The following WTAP variants were observed in gnomAD, a reference collection of about 807,000 sequenced individuals.
WTAP encodes WT1 associated protein, also known as pre-mRNA-splicing regulator WTAP.
Under a neutral mutation model 50.0 loss-of-function variants are expected in WTAP, and 8 were observed. The ratio of observed to expected loss-of-function variants is 0.16; its 90% confidence interval spans 0.09 to 0.29. WTAP has a LOEUF of 0.29. WTAP is among the 10% of genes least tolerant of loss of function. WTAP has a pLI of 1.00. For missense variants in WTAP, 295 were observed against 470.7 expected (o/e 0.63, Z 3.45); for synonymous variants, 194 against 169.0 (o/e 1.15, Z -1.15).
At chr6:159,747,205 T>C (rs1318150054) in intron 5 of WTAP, among the ~76,000 whole-genome samples, 1 of 152,200 alleles carries the variant, frequency 6.6e-6, no homozygotes, top group Non-Finnish European at 1.5e-5. Context: ...TTAATGCTAA[T>C]AACTATATTT....
intron 1 of WTAP, among the ~76,000 whole-genome samples, chr6:159,727,925 G>T (rs1015938272): frequency 6.6e-6 from 1 of 152,364 alleles, no homozygotes; most frequent in African/African-American, 2.4e-5. Context: ...CCAAGGCCCG[G>T]GTTGAGAGGG....
chr6:159,751,387 AG>A (rs1779814733), intron 6 of WTAP, among the ~76,000 whole-genome samples: 1 of 152,212 alleles, frequency 6.6e-6, no homozygotes, highest in Non-Finnish European at 1.5e-5. Flanking sequence ...TAAGAAGGTT[AG>A]TTGTAAACAC....
Position 159,742,155 on chromosome 6 carries a change from G to A in WTAP, c.145+9G>A. ...GTACACAGATCTTAACTGTAAGTTT[G>A]AGTTTTAGCTTCCTAAAGACTGAAT... is the stretch of plus-strand genomic sequence containing the variant. On this transcript the variant is annotated intron_variant, in intron 4 of 7. Coordinates refer to ENST00000621533, the MANE Select transcript of WTAP (RefSeq NM_001270531.2). 6.3e-7 allele frequency: 1 copy of A among 1,597,800 alleles called. No homozygotes were observed. Among genetic ancestry groups the A allele is most frequent in the Non-Finnish European group, 8.5e-7 (1 of 1,172,724 alleles).
In WTAP at chr6:159,740,708, CT is replaced by C. The variant is rs565299103; in HGVS notation, c.87-1366del. Among the ~76,000 whole-genome samples the C allele has an allele frequency of 4.8e-3, 609 of 126,510 alleles. 1 individual carries two copies. The highest frequency in any genetic ancestry group is 0.011 in the African/African-American group (373 of 34,610). The allele number at this position is 126,510 out of a possible 152,430, so 83.0% of individuals were successfully genotyped here. A position where few individuals can be genotyped will look rare whatever the true frequency, so the allele number is the denominator to read the frequency against. Reference sequence around the variant, plus strand: ...GGTTTTTTTTTTTTCTTTTTTCTTTCTTTTTTTTTTTTTTAAGACAGAGTCT... The same window carrying C: ...GGTTTTTTTTTTTTCTTTTTTCTTTCTTTTTTTTTTTTTAAGACAGAGTCT... On this transcript the variant is annotated intron_variant, in intron 3 of 7. Coordinates refer to ENST00000621533, the MANE Select transcript of WTAP (RefSeq NM_001270531.2).
At chr6:159,739,861 A>G (rs1181752536) in intron 3 of WTAP, among the ~76,000 whole-genome samples, 3 of 114,454 alleles carry the variant, frequency 2.6e-5, no homozygotes, top group South Asian at 2.7e-4. Context: ...TTTTTTTGCC[A>G]TAATCTCATA....
rs1778587899 is a variant in WTAP at position 159,731,818 on chromosome 6, A to G, written c.-9+4115A>G. Among the ~76,000 whole-genome samples the G allele has an allele frequency of 2.0e-5, 3 of 152,190 alleles. No individual in the cohort carries two copies. In the South Asian group the frequency reaches 6.2e-4, roughly 31 times the overall value. On this transcript the variant is annotated intron_variant, in intron 1 of 7. Transcript: ENST00000621533. ...TGCTACTTTTGTATTTGCAAAGTTG[A>G]CAACCTGTTTCAGAATACCAAGGTT...
intron 2 of WTAP, among the ~76,000 whole-genome samples, chr6:159,736,914 AAACTT>A: frequency 6.6e-6 from 1 of 152,328 alleles, no homozygotes; most frequent in South Asian, 2.1e-4. Context: ...AAAGCTTACT[AAACTT>A]AATATTTAAG....
At chr6:159,727,427 G>C (rs1167725933), upstream of WTAP, 1 of 1,063,682 alleles carries the variant, frequency 9.4e-7, no homozygotes, top group African/African-American at 1.9e-5. Flanking sequence ...CCTGCGGCGC[G>C]TTCGGACCGG....
chr6:159,741,711 G>C (rs920474512), intron 3 of WTAP: 4 of 175,744 alleles, frequency 2.3e-5, no homozygotes, highest in African/African-American at 9.6e-5. Context: ...ATTTAGGCTG[G>C]GTGTGGTGAC....
chr6:159,754,635 A>G (rs1310817013), intron 7 of WTAP, among the ~76,000 whole-genome samples: 4 of 152,222 alleles, frequency 2.6e-5, no homozygotes, highest in African/African-American at 7.2e-5. Context: ...CCTTTGAGCC[A>G]TCTCTAGATT....
In WTAP at chr6:159,755,561, G is replaced by T; in HGVS notation, c.1141G>T (p.Val381Phe). The T allele has an allele frequency of 1.2e-6, 2 of 1,614,048 alleles. No homozygotes were observed. The highest frequency in any genetic ancestry group is 1.7e-6 in the Non-Finnish European group (2 of 1,179,990). The change falls in exon 8 of 8, where the codon GTT (valine) becomes TTT (phenylalanine). Residue 381 changes from valine to phenylalanine, a missense_variant. Physicochemically the swap from Val to Phe is conservative, Grantham distance 50. This residue lies in a region of WTAP where 175 missense variants were observed against 183.1 expected (regional missense o/e 0.96). Transcript: ENST00000621533. ...KGNRTVGSRH[V>F]QNGLDSSVNV... ...TAATCGAACTGTGGGTTCCCGCCAC[G>T]TTCAGAATGGCTTGGACTCAAGTGT...
chr6:159,726,722 G>C, upstream of WTAP: 2 of 1,257,618 alleles, frequency 1.6e-6, no homozygotes, highest in South Asian at 2.5e-5. Flanking sequence ...CGCAACCTCC[G>C]ACGCCAGAGA....
upstream of WTAP, chr6:159,727,045 T>C (rs1778210178): frequency 2.5e-6 from 3 of 1,222,084 alleles, no homozygotes; most frequent in Admixed American, 2.9e-5. Flanking sequence ...CCCCGGCGAG[T>C]ACTTCCACCT....
intron 1 of WTAP, among the ~76,000 whole-genome samples, chr6:159,730,664 G>T (rs1391488351): frequency 1.3e-5 from 2 of 152,320 alleles, no homozygotes; most frequent in East Asian, 3.9e-4. Flanking sequence ...TCAGATTAAA[G>T]TTGAGGAAGG....
At chr6:159,727,073 C>T (rs1324145949), upstream of WTAP, 2 of 1,207,036 alleles carry the variant, frequency 1.7e-6, no homozygotes, top group African/African-American at 1.6e-5. Context: ...CCGTGATGCC[C>T]TGGGGCTGAC....
At chr6:159,735,546 C>T (rs956625610) in intron 1 of WTAP, among the ~76,000 whole-genome samples, 2 of 152,080 alleles carry the variant, frequency 1.3e-5, no homozygotes, top group East Asian at 1.9e-4. Context: ...GTCAGGAGTT[C>T]GAGACCAGCC....
chr6:159,745,247 A>G (rs1016889783), intron 5 of WTAP: 1 of 152,196 alleles, frequency 6.6e-6, no homozygotes, highest in Non-Finnish European at 1.5e-5. Context: ...TCTTGACATC[A>G]TAGTTGATGT....
In WTAP at chr6:159,755,761, T is replaced by TTTTA; in HGVS notation, c.*153_*154insATTT. 1.1e-5 allele frequency: 9 copies of TTTTA among 838,150 alleles called. No homozygotes were observed. Among genetic ancestry groups the TTTTA allele is most frequent in the African/African-American group, 2.2e-5 (1 of 46,120 alleles). 51.9% of individuals were successfully genotyped at this position (838,150 alleles called of 1,614,324 possible). ...GTTTTTTTTCTTTGTTTTTTTTTTC[T>TTTTA]TTTCTTTTTTTTTTTTTTTTTTTTT... is the stretch of plus-strand genomic sequence containing the variant. On this transcript the variant is annotated 3_prime_UTR_variant, in exon 8 of 8. Coordinates refer to ENST00000621533, the MANE Select transcript of WTAP (RefSeq NM_001270531.2).
At chr6:159,749,339 G>T in intron 6 of WTAP, 1 of 985,434 alleles carries the variant, frequency 1.0e-6, no homozygotes, top group Non-Finnish European at 1.2e-6. Context: ...TGTCGTTGGT[G>T]TTAATGGGGG....
Sources: gnomAD v4.1 joint callset for allele counts (sites outside exome capture counted in the v4.1 genomes callset) on GRCh38, gnomAD v4.1.1 for gene constraint, gnomAD v4.1.1 regional missense constraint, MANE v1.5 for transcripts, NCBI Gene and HGNC (gene_info 2026-07-23, HGNC 2026-07-21) for gene names.